APAF1: variants seen among roughly 807,000 people sequenced by gnomAD.
APAF1 encodes the protein apoptotic peptidase activating factor 1, also known as apoptotic protease-activating factor 1.
APAF1 carries 91 observed loss-of-function variants against 152.4 expected under a neutral mutation model. The observed-to-expected ratio is 0.60, with a 90% CI of 0.50 to 0.71. The LOEUF (loss-of-function observed/expected upper bound fraction) is 0.71, where lower values mean the gene tolerates loss of function less well. Ranked by LOEUF, APAF1 falls within the 30% of genes least tolerant of loss-of-function variation. APAF1 has a pLI of 0.00. For synonymous variants in APAF1, 484 were observed against 494.1 expected (o/e 0.98, Z 0.27); for missense variants, 1,283 against 1,472.0 (o/e 0.87, Z 2.10).
intron 25 of APAF1, 81 bp from the exon 26 acceptor site, chr12:98,727,092 A>T: frequency 7.8e-7 from 1 of 1,284,776 alleles, no homozygotes; most frequent in Non-Finnish European, 1.1e-6. Context: ...TAGAATACAT[A>T]TATATGGACA....
chr12:98,696,383 C>T (rs576838832), intron 16 of APAF1, among the ~76,000 whole-genome samples: 1 of 152,256 alleles, frequency 6.6e-6, no homozygotes, highest in African/African-American at 2.4e-5. Flanking sequence ...AATCCATTCC[C>T]AGGGAACTCA....
chr12:98,697,468 C>G (rs574847982), intron 16 of APAF1, among the ~76,000 whole-genome samples: 11 of 152,230 alleles, frequency 7.2e-5, no homozygotes, highest in Admixed American at 7.2e-4. Flanking sequence ...GATGATAAAC[C>G]CTTGCTGTGT....
intron 9 of APAF1, 49 bp from the exon 10 acceptor site, chr12:98,667,464 T>C (rs759403755): frequency 6.2e-7 from 1 of 1,602,682 alleles, no homozygotes; most frequent in Non-Finnish European, 8.5e-7. Flanking sequence ...CTGTGATGCT[T>C]AGGTTATAAA....
At chr12:98,725,313 T>C in intron 24 of APAF1, 102 bp from the exon 25 acceptor site, 1 of 1,459,322 alleles carries the variant, frequency 6.9e-7, no homozygotes, top group Non-Finnish European at 9.5e-7. Flanking sequence ...TTGCCAGATA[T>C]TAGAATGTCC....
Position 98,715,602 on chromosome 12 carries a change from G to A in APAF1, c.3084+50G>A, listed in dbSNP as rs759773140. On this transcript the variant is annotated intron_variant, in intron 22 of 26. Transcript: ENST00000551964. ...CATATTTAATGCTGATTCTAGCAAAGGAACACTATGATTATGCCTAAAATC... is the reference window on the plus strand; with the variant it reads ...CATATTTAATGCTGATTCTAGCAAAAGAACACTATGATTATGCCTAAAATC... 3 of 1,602,966 alleles carry A rather than the reference G, an allele frequency of 1.9e-6. No individual in the cohort carries two copies. In the South Asian group the frequency reaches 3.3e-5, roughly 18 times the overall value.
At chr12:98,686,516 C>T (rs1296815988) in intron 15 of APAF1, among the ~76,000 whole-genome samples, 2 of 152,112 alleles carry the variant, frequency 1.3e-5, no homozygotes, top group African/African-American at 4.8e-5. Flanking sequence ...GCCTAAAAAC[C>T]TCGGTGAGCC....
chr12:98,712,388 C>G lies in APAF1; in HGVS notation c.2911C>G (p.Pro971Ala). 6.2e-7 allele frequency: 1 copy of G among 1,613,022 alleles called. No homozygotes were observed. Among genetic ancestry groups the G allele is most frequent in the Non-Finnish European group, 8.5e-7 (1 of 1,179,118 alleles). Residue 971 changes from proline to alanine, a missense_variant, in exon 21 of 27, where the codon CCA (proline) becomes GCA (alanine). Transcript: ENST00000551964. ...TCAAGTTAGCTGCTGTTGCTTAAGT[C>G]CACATCTTCAGTACATTGCATTTGG... ...EAQVSCCCLSPHLQYIAFGDE... is the reference protein window; with the variant it reads ...EAQVSCCCLSAHLQYIAFGDE...
At chr12:98,670,086 G>A (rs551103442) in intron 10 of APAF1, among the ~76,000 whole-genome samples, 4 of 152,034 alleles carry the variant, frequency 2.6e-5, no homozygotes, top group African/African-American at 7.2e-5. Flanking sequence ...CTGGGAGCAC[G>A]GGTGTGCACC....
intron 15 of APAF1, among the ~76,000 whole-genome samples, chr12:98,683,962 A>C (rs939743926): frequency 6.6e-6 from 1 of 152,162 alleles, no homozygotes; most frequent in African/African-American, 2.4e-5. Context: ...TTTTCCTCTT[A>C]AGTGGATAAA....
At chr12:98,722,633 G>A (rs2097744596) in intron 22 of APAF1, among the ~76,000 whole-genome samples, 1 of 152,054 alleles carries the variant, frequency 6.6e-6, no homozygotes, top group Non-Finnish European at 1.5e-5. Flanking sequence ...TGTCTGAGGA[G>A]CTCCTCCTGA....
chr12:98,683,271 C>G lies in APAF1; in HGVS notation c.2175C>G (p.Leu725=). 1 of 1,613,770 alleles carries G rather than the reference C, an allele frequency of 6.2e-7. No individual in the cohort carries two copies. Among genetic ancestry groups the G allele is most frequent in the Non-Finnish European group, 8.5e-7 (1 of 1,179,918 alleles). Residue 725 remains leucine (L), a synonymous_variant, in exon 15 of 27, where the codon CTC becomes CTG. Coordinates refer to ENST00000551964, the MANE Select transcript of APAF1 (RefSeq NM_181861.2). ...LLATGSSDCF[L]KLWDLNQKEC... ...CCACTGGGTCAAGTGACTGCTTCCT[C>G]AAAGTAAGTGTGGATATTGAGAATT...
chr12:98,689,466 G>GTGTC lies in APAF1; in HGVS notation c.2304+2596_2304+2597insCTGT, dbSNP rs1555218575. On this transcript the variant is annotated intron_variant, in intron 16 of 26. Coordinates refer to ENST00000551964, the MANE Select transcript of APAF1 (RefSeq NM_181861.2). ...AGAGAGAGAGAGAGAGAGAGAGAGT[G>GTGTC]TGTGTGTCTGTGTGTGTGTGTGTGT... Among the ~76,000 whole-genome samples, 134 of 139,070 alleles carry GTGTC rather than the reference G, an allele frequency of 9.6e-4. 1 individual carries two copies. The highest frequency in any genetic ancestry group is 3.8e-3 in the Middle Eastern group (1 of 266). The allele number at this position is 139,070 out of a possible 152,430, so 91.2% of individuals were successfully genotyped here.
chr12:98,651,200 G>A (rs1466777406), intron 4 of APAF1, among the ~76,000 whole-genome samples: 10 of 151,998 alleles, frequency 6.6e-5, no homozygotes, highest in Non-Finnish European at 1.5e-4. Context: ...CTTAGTTCAC[G>A]GCTTATTATA....
At position 98,667,528 on chromosome 12, in the gene APAF1, A is replaced by G; in HGVS notation, c.1378A>G (p.Ile460Val). 1 of 1,613,964 alleles carries G rather than the reference A, an allele frequency of 6.2e-7. No individual in the cohort carries two copies. ...CSQLQDLHKK[I>V]ITQFQRYHQP... Reference sequence around the variant, plus strand: ...TGGGTTGCAGGATCTACATAAGAAGATAATCACTCAGTTTCAGAGATATCA... The same window carrying G: ...TGGGTTGCAGGATCTACATAAGAAGGTAATCACTCAGTTTCAGAGATATCA... The change falls in exon 10 of 27, where the codon ATA (isoleucine) becomes GTA (valine). Residue 460 changes from isoleucine to valine, a missense_variant. Physicochemically the swap from Ile to Val is conservative, Grantham distance 29. Coordinates refer to ENST00000551964, the MANE Select transcript of APAF1 (RefSeq NM_181861.2).
intron 17 of APAF1, among the ~76,000 whole-genome samples, chr12:98,702,619 G>T (rs1368360090): frequency 1.3e-5 from 2 of 152,090 alleles, no homozygotes; most frequent in East Asian, 3.9e-4. Context: ...GAGGTCAGGA[G>T]TTCGAGACCA....
chr12:98,718,025 A>G (rs2097736999), intron 22 of APAF1, among the ~76,000 whole-genome samples: 1 of 152,124 alleles, frequency 6.6e-6, no homozygotes, highest in South Asian at 2.1e-4. Context: ...GATAACAGGA[A>G]GTATTAATAG....
In APAF1 at chr12:98,727,160, C is replaced by T. The variant is rs1565896688; in HGVS notation, c.3457-13C>T. Reference sequence around the variant, plus strand: ...ATAACTCTGTTAATGAATTGTGTATCATGTTTATGTAGATATGGAATGTCT... The same window carrying T: ...ATAACTCTGTTAATGAATTGTGTATTATGTTTATGTAGATATGGAATGTCT... On this transcript the variant is annotated splice_polypyrimidine_tract_variant and intron_variant, in intron 25 of 26. Coordinates refer to ENST00000551964, the MANE Select transcript of APAF1 (RefSeq NM_181861.2). The T allele has an allele frequency of 6.2e-7, 1 of 1,613,404 alleles. No homozygotes were observed. Among genetic ancestry groups the T allele is most frequent in the Non-Finnish European group, 8.5e-7 (1 of 1,179,574 alleles).
At chr12:98,671,122 G>A in intron 11 of APAF1, 36 bp downstream of exon 11, 1 of 1,277,338 alleles carries the variant, frequency 7.8e-7, no homozygotes, top group Non-Finnish European at 1.1e-6. Flanking sequence ...GTGCTAAAAA[G>A]GAATCTCATT....
chr12:98,692,546 C>T (rs1408013784), intron 16 of APAF1, among the ~76,000 whole-genome samples: 1 of 152,100 alleles, frequency 6.6e-6, no homozygotes. Flanking sequence ...CCTCATTCCC[C>T]CCTCCCCAAC....
Sources: gnomAD v4.1 joint callset for allele counts (sites outside exome capture counted in the v4.1 genomes callset) on GRCh38, gnomAD v4.1.1 for gene constraint, MANE v1.5 for transcripts, NCBI Gene and HGNC (gene_info 2026-07-23, HGNC 2026-07-21) for gene names.